Variants in REV1 observed in about 807,000 individuals in gnomAD.
The protein encoded by REV1 is REV1 DNA directed polymerase.
Under a neutral mutation model 137.4 loss-of-function variants are expected in REV1, and 42 were observed. The ratio of observed to expected loss-of-function variants is 0.31; its 90% CI spans 0.24 to 0.40. The LOEUF (loss-of-function observed/expected upper bound fraction) is 0.40, where lower values mean the gene tolerates loss of function less well. REV1 is among the 10% of genes least tolerant of loss of function. The pLI is 1.00. For synonymous variants in REV1, 524 were observed against 519.2 expected, an observed-to-expected ratio of 1.01 and a Z score of -0.12; for missense variants, 1,282 against 1,490.1, an observed-to-expected ratio of 0.86 and a Z score of 2.30.
chr2:99,446,822 T>C (rs1299529411), intron 4 of REV1, among the ~76,000 whole-genome samples: 2 of 152,010 alleles, frequency 1.3e-5, no homozygotes, highest in Non-Finnish European at 2.9e-5. Flanking sequence ...AGTAAATCAA[T>C]TCCCCCCAGC....
chr2:99,450,405 C>A (rs1682788556), intron 3 of REV1, among the ~76,000 whole-genome samples: 1 of 152,164 alleles, frequency 6.6e-6, no homozygotes, highest in Non-Finnish European at 1.5e-5. Context: ...CTCACACCTC[C>A]CCTAACAACA....
intron 1 of REV1, among the ~76,000 whole-genome samples, chr2:99,470,146 T>A (rs1459886381): frequency 1.3e-5 from 2 of 152,024 alleles, no homozygotes; most frequent in African/African-American, 4.8e-5. Context: ...ATATTTCATC[T>A]ATTTACAAAA....
chr2:99,402,188 C>A, intron 22 of REV1, 56 bp downstream of exon 22: 1 of 728,974 alleles, frequency 1.4e-6, no homozygotes, highest in Non-Finnish European at 2.4e-6. Context: ...TCAGTACACC[C>A]TCAGCCATTG....
At chr2:99,429,803 TATTC>T (rs1679882955) in intron 9 of REV1, 33 bp downstream of exon 9, 3 of 1,218,554 alleles carry the variant, frequency 2.5e-6, no homozygotes, top group African/African-American at 3.2e-5. Context: ...TTAACCAAAT[TATTC>T]ATTAAGAATT....
At chr2:99,486,548 C>G (rs1378719138) in intron 1 of REV1, among the ~76,000 whole-genome samples, 3 of 152,044 alleles carry the variant, frequency 2.0e-5, no homozygotes, top group African/African-American at 7.2e-5. Context: ...AAAAATTACC[C>G]TGTTCTAAGC....
chr2:99,488,794 A>C (rs1293762791), intron 1 of REV1, among the ~76,000 whole-genome samples: 1 of 152,248 alleles, frequency 6.6e-6, no homozygotes, highest in African/African-American at 2.4e-5. Context: ...GAAATGGCTT[A>C]TTCTCGGAGA....
chr2:99,464,804 A>G, intron 2 of REV1, 118 bp downstream of exon 2: 1 of 928,800 alleles, frequency 1.1e-6, no homozygotes. Flanking sequence ...TGAAAACTCA[A>G]AGATGTGGTG....
chr2:99,484,923 A>G (rs1255991270), intron 1 of REV1, among the ~76,000 whole-genome samples: 2 of 152,210 alleles, frequency 1.3e-5, no homozygotes, highest in African/African-American at 2.4e-5. Flanking sequence ...GTTTCTTTAT[A>G]ATGGTGCCAA....
chr2:99,447,493 A>G (rs1165017758), intron 4 of REV1, among the ~76,000 whole-genome samples: 1 of 152,100 alleles, frequency 6.6e-6, no homozygotes, highest in Non-Finnish European at 1.5e-5. Context: ...TTCTAGAGAT[A>G]GTAATGTACT....
At chr2:99,411,871 G>C (rs962262578) in intron 13 of REV1, among the ~76,000 whole-genome samples, 1 of 152,024 alleles carries the variant, frequency 6.6e-6, no homozygotes, top group African/African-American at 2.4e-5. Flanking sequence ...CCACAGTGTA[G>C]GCACAGAGGG....
At chr2:99,403,979 T>TA (rs1675889315) in intron 18 of REV1, among the ~76,000 whole-genome samples, 164 bp from the exon 19 acceptor site, 1 of 152,192 alleles carries the variant, frequency 6.6e-6, no homozygotes, top group Non-Finnish European at 1.5e-5. Flanking sequence ...TCAAAATGGT[T>TA]AGAGCAAGAA....
chr2:99,423,279 G>A (rs1011755108), intron 10 of REV1, among the ~76,000 whole-genome samples: 1 of 152,194 alleles, frequency 6.6e-6, no homozygotes, highest in African/African-American at 2.4e-5. Flanking sequence ...AAAAGGAAGA[G>A]GCAGAGGTGA....
intron 4 of REV1, among the ~76,000 whole-genome samples, chr2:99,442,853 T>C (rs1559357760): frequency 6.6e-6 from 1 of 152,044 alleles, no homozygotes; most frequent in South Asian, 2.1e-4. Flanking sequence ...TAGGACAAAA[T>C]AAAGAATCTC....
chr2:99,470,660 C>T (rs1013144178), intron 1 of REV1, among the ~76,000 whole-genome samples: 2 of 152,224 alleles, frequency 1.3e-5, no homozygotes, highest in African/African-American at 4.8e-5. Context: ...CTTCCTCCTT[C>T]CTTTGTTCTC....
rs1487615588 is a variant in REV1, at chr2:99,419,344, C to T, written c.1832-397G>A. 4.0e-5 allele frequency among the ~76,000 whole-genome samples: 6 copies of T among 151,598 alleles called. No individual in the cohort carries two copies. In the East Asian group the frequency reaches 1.2e-3, roughly 29 times the overall value. ...TCTCCTGCCTCAGCCTCCCGAGTAG[C>T]TGGGACTACAGGCGCCCACCACCAT... On this transcript the variant is annotated intron_variant, in intron 11 of 22. Transcript: ENST00000258428.
At chr2:99,454,515 A>G (rs1347787333) in intron 3 of REV1, among the ~76,000 whole-genome samples, 1 of 135,932 alleles carries the variant, frequency 7.4e-6, no homozygotes, top group Non-Finnish European at 1.5e-5. Flanking sequence ...CCGCCATTGC[A>G]CTCCAGCCTG....
intron 9 of REV1, chr2:99,425,006 T>A (rs1185106711): frequency 1.2e-6 from 1 of 808,066 alleles, no homozygotes; most frequent in African/African-American, 1.8e-5. Context: ...TATACATAAT[T>A]AGTAAAATTC....
chr2:99,439,041 G>C lies in REV1; in HGVS notation c.773C>G (p.Ser258Cys), dbSNP rs142769258. 9 of 1,614,040 alleles carry C rather than the reference G, an allele frequency of 5.6e-6. No homozygotes were observed. The highest frequency in any genetic ancestry group is 1.3e-5 in the African/African-American group (1 of 74,906). The change falls in exon 6 of 23, where the codon TCC (serine) becomes TGC (cysteine). Residue 258 changes from serine to cysteine, a missense_variant. By Grantham distance (112) the Ser-to-Cys change is moderately radical. This residue lies in a region of REV1 where 432 missense variants were observed against 438.0 expected (regional missense o/e 0.99). Transcript: ENST00000258428. ...CTTCTCAGCCTTATCCTCCTCCTGGGAAAAGGCTGGAGAAAGCCTGCTGGC... is the reference window on the plus strand; with the variant it reads ...CTTCTCAGCCTTATCCTCCTCCTGGCAAAAGGCTGGAGAAAGCCTGCTGGC... ...SVASRLSPAFSQEEDKAEKSS... is the reference protein window; with the variant it reads ...SVASRLSPAFCQEEDKAEKSS...
intron 3 of REV1, among the ~76,000 whole-genome samples, chr2:99,455,391 C>G (rs1250883359): frequency 6.6e-6 from 1 of 152,188 alleles, no homozygotes; most frequent in Admixed American, 6.5e-5. Flanking sequence ...CTTGACTCTT[C>G]TCACCCCTAA....
Sources: allele counts gnomAD v4.1 joint callset (sites outside exome capture counted in the v4.1 genomes callset), GRCh38; gene constraint gnomAD v4.1.1; regional missense constraint gnomAD v4.1.1; transcripts MANE v1.5; gene names NCBI Gene and HGNC (gene_info 2026-07-23, HGNC 2026-07-21).